The following CHST11 variants were observed in gnomAD, a reference collection of about 807,000 sequenced individuals.
CHST11 encodes C4S-1.
Under a neutral mutation model 30.4 loss-of-function variants are expected in CHST11, and 9 were observed. The observed-to-expected ratio is 0.30, with a 90% CI of 0.18 to 0.52. The LOEUF (loss-of-function observed/expected upper bound fraction) is 0.52. Among genes scored for constraint, CHST11 ranks in the 20% least tolerant of loss-of-function variants. The pLI is 0.97. For missense variants in CHST11, 348 were observed against 460.6 expected (o/e 0.76, Z 2.24); for synonymous variants, 152 against 187.8 (o/e 0.81, Z 1.56).
chr12:104,670,883 AACAC>A (rs142474010), intron 2 of CHST11, among the ~76,000 whole-genome samples: 8,316 of 151,496 alleles, frequency 0.055, 438 homozygotes, highest in East Asian at 0.3. Flanking sequence ...CACCAACAGA[AACAC>A]ACACATACAT....
chr12:104,591,641 C>G (rs1311577237), intron 1 of CHST11: 1 of 151,886 alleles, frequency 6.6e-6, no homozygotes, highest in Non-Finnish European at 1.5e-5. Flanking sequence ...AAGGAAGAGT[C>G]AAGTCAAGGC....
chr12:104,601,765 G>A, intron 1 of CHST11, 141 bp from the exon 2 acceptor site: 1 of 644,152 alleles, frequency 1.6e-6, no homozygotes, highest in East Asian at 2.7e-5. Context: ...AGAAGGGACA[G>A]TGTGGAAATC....
chr12:104,632,236 A>T (rs1592805477), intron 2 of CHST11, among the ~76,000 whole-genome samples: 1 of 152,058 alleles, frequency 6.6e-6, no homozygotes, highest in East Asian at 1.9e-4. Context: ...ATATGGGGGA[A>T]GGATGGGGCA....
intron 2 of CHST11, among the ~76,000 whole-genome samples, chr12:104,670,115 C>T (rs911430736): frequency 4.6e-5 from 7 of 152,222 alleles, no homozygotes; most frequent in African/African-American, 1.7e-4. Context: ...AATCTGGACT[C>T]CACACCGCCT....
chr12:104,664,514 A>C (rs835484), intron 2 of CHST11, among the ~76,000 whole-genome samples: 74,244 of 151,952 alleles, frequency 0.49, 18,318 homozygotes, highest in South Asian at 0.54. Flanking sequence ...AACAGCATAC[A>C]TCCTCACTGG....
chr12:104,757,433 G>A lies in CHST11; in HGVS notation c.689G>A (p.Arg230His), dbSNP rs375679211. Residue 230 changes from arginine (R) to histidine (H), a missense_variant, in exon 3 of 3, where the codon CGC (arginine) becomes CAC (histidine). Transcript: ENST00000303694. This position sits in a 1 kb window ranked among gnomAD's most constrained non-coding sequence, Gnocchi z 6.5. ...QRKNATQEALRKGDDVKFEEF... is the reference protein window; with the variant it reads ...QRKNATQEALHKGDDVKFEEF... ...AAGAACGCCACCCAGGAGGCCCTGC[G>A]CAAAGGGGACGATGTCAAATTCGAG... is the stretch of plus-strand genomic sequence containing the variant. 69 of 1,613,866 alleles carry A rather than the reference G, an allele frequency of 4.3e-5. No homozygotes were observed. The highest frequency in any genetic ancestry group is 5.3e-5 in the African/African-American group (4 of 74,856).
At chr12:104,572,963 C>T (rs1217195672) in intron 1 of CHST11, among the ~76,000 whole-genome samples, 2 of 151,810 alleles carry the variant, frequency 1.3e-5, no homozygotes, top group Non-Finnish European at 2.9e-5. Context: ...ATCTAGAAAA[C>T]CCCATCGTCT....
chr12:104,496,851 C>T (rs922024840), intron 1 of CHST11, among the ~76,000 whole-genome samples: 20 of 152,054 alleles, frequency 1.3e-4, no homozygotes, highest in African/African-American at 4.8e-4. Context: ...ACTGAGAAAT[C>T]CACAAGAATT....
rs1448807477 is a variant in CHST11, at chr12:104,757,141, C to T, written c.397C>T (p.Arg133Trp). 1.2e-6 allele frequency: 2 copies of T among 1,613,966 alleles called. No homozygotes were observed. Among genetic ancestry groups the T allele is most frequent in the East Asian group, 2.2e-5 (1 of 44,878 alleles). Residue 133 changes from arginine to tryptophan, a missense_variant, in exon 3 of 3, where the codon CGG becomes TGG. Arg to Trp is a moderately radical substitution (Grantham distance 101). This residue lies in a region of CHST11 where 210 missense variants were observed against 287.2 expected (regional missense o/e 0.73). Coordinates refer to ENST00000303694, the MANE Select transcript of CHST11 (RefSeq NM_018413.6). The surrounding 1 kb of genome is among the most constrained non-coding windows in gnomAD (Gnocchi z 6.5). ...VPKVACTNWK[R>W]LMMVLTGRGK... is the part of the protein sequence containing the mutation. ...CAAGGTGGCCTGCACCAACTGGAAG[C>T]GGCTCATGATGGTCCTGACCGGGCG...
At chr12:104,653,694 C>A (rs992502229) in intron 2 of CHST11, among the ~76,000 whole-genome samples, 1 of 152,186 alleles carries the variant, frequency 6.6e-6, no homozygotes, top group Non-Finnish European at 1.5e-5. Context: ...CTTATGTGAT[C>A]TCATTCAATC....
intron 2 of CHST11, among the ~76,000 whole-genome samples, chr12:104,750,427 A>ATTTTTTTTTTTTTTTTTTTTT (rs2040420024): frequency 2.6e-5 from 1 of 38,728 alleles, no homozygotes. Context: ...ATATTTCTGC[A>ATTTTTTTTTTTTTTTTTTTTT]CTTTTTTTTT....
chr12:104,495,277 A>G (rs2037788635), intron 1 of CHST11, among the ~76,000 whole-genome samples: 1 of 152,150 alleles, frequency 6.6e-6, no homozygotes, highest in East Asian at 1.9e-4. Context: ...GCTGCTGTGA[A>G]CATAGGTGTG....
chr12:104,667,561 G>A (rs148190706), intron 2 of CHST11, among the ~76,000 whole-genome samples: 1 of 152,332 alleles, frequency 6.6e-6, no homozygotes, highest in African/African-American at 2.4e-5. Context: ...GATGGTTTTA[G>A]ACGAGTGGTC....
At chr12:104,486,426 C>T (rs1021450990) in intron 1 of CHST11, among the ~76,000 whole-genome samples, 1 of 152,000 alleles carries the variant, frequency 6.6e-6, no homozygotes, top group Non-Finnish European at 1.5e-5. Flanking sequence ...CAAATGATGA[C>T]TTCAGCTGTT....
intron 2 of CHST11, among the ~76,000 whole-genome samples, chr12:104,733,286 A>C (rs1414231607): frequency 6.6e-6 from 1 of 152,224 alleles, no homozygotes; most frequent in Non-Finnish European, 1.5e-5. Flanking sequence ...CAGGGAAAAG[A>C]CCTCAGAGTA....
At chr12:104,733,502 G>A (rs933320004) in intron 2 of CHST11, among the ~76,000 whole-genome samples, 5 of 152,192 alleles carry the variant, frequency 3.3e-5, no homozygotes, top group African/African-American at 4.8e-5. Flanking sequence ...CAGTTGTTGG[G>A]AGTCGCAGCC....
At chr12:104,636,355 A>C (rs1048719353) in intron 2 of CHST11, among the ~76,000 whole-genome samples, 1 of 152,168 alleles carries the variant, frequency 6.6e-6, no homozygotes, top group East Asian at 1.9e-4. Context: ...CAGGAGAGAG[A>C]AGGCTGAACC....
intron 1 of CHST11, among the ~76,000 whole-genome samples, chr12:104,477,563 G>T (rs2037575775): frequency 6.6e-6 from 1 of 152,044 alleles, no homozygotes; most frequent in African/African-American, 2.4e-5. Flanking sequence ...GGTCATGAGG[G>T]AGCCCTCATG....
intron 2 of CHST11, among the ~76,000 whole-genome samples, chr12:104,713,727 G>T (rs1397965552): frequency 6.6e-6 from 1 of 152,096 alleles, no homozygotes; most frequent in Admixed American, 6.5e-5. Context: ...CTGATTTGAG[G>T]CCATTTATCC....
Sources: allele counts gnomAD v4.1 joint callset (sites outside exome capture counted in the v4.1 genomes callset), GRCh38; gene constraint gnomAD v4.1.1; regional missense constraint gnomAD v4.1.1; non-coding constraint Gnocchi (gnomAD v3.1); transcripts MANE v1.5; gene names NCBI Gene and HGNC (gene_info 2026-07-23, HGNC 2026-07-21).